The following LRRC8D variants were observed in gnomAD, a reference collection of about 807,000 sequenced individuals.
LRRC8D encodes the protein leucine rich repeat containing 8 VRAC subunit D.
A neutral mutation model predicts 55.8 loss-of-function variants in LRRC8D; 20 were observed. The ratio of observed to expected loss-of-function variants is 0.36; its 90% CI spans 0.25 to 0.52. LRRC8D has a LOEUF of 0.52. LRRC8D is among the 20% of genes least tolerant of loss of function. LRRC8D has a pLI of 0.93. For synonymous variants in LRRC8D, 352 were observed against 377.0 expected (o/e 0.93, Z 0.77); for missense variants, 651 against 1,030.8 (o/e 0.63, Z 5.05).
rs753341135 is a variant in LRRC8D at position 89,935,228 on chromosome 1, C to T, written c.2160C>T (p.Ser720=). The change falls in exon 3 of 3, where the codon TCC becomes TCT. Residue 720 remains serine (S), a synonymous_variant. Coordinates refer to ENST00000337338, the MANE Select transcript of LRRC8D (RefSeq NM_001134479.2). ...ATTTCTCTAACAACAAGCTCGAATC[C>T]TTACCAGTGGCAGTATTTAGTTTAC... The part of the protein sequence containing the change: ...SLYFSNNKLE[S]LPVAVFSLQK... 1 of 1,614,130 alleles carries T rather than the reference C, an allele frequency of 6.2e-7. No homozygotes were observed. The highest frequency in any genetic ancestry group is 1.1e-5 in the South Asian group (1 of 91,082).
chr1:89,896,945 C>T (rs1262434818), intron 2 of LRRC8D, among the ~76,000 whole-genome samples: 1 of 152,154 alleles, frequency 6.6e-6, no homozygotes, highest in Non-Finnish European at 1.5e-5. Flanking sequence ...ATTTAATTGT[C>T]ATAATAATCC....
intron 2 of LRRC8D, among the ~76,000 whole-genome samples, chr1:89,844,005 A>C (rs1046262400): frequency 1.8e-4 from 28 of 152,040 alleles, no homozygotes; most frequent in African/African-American, 6.5e-4. Flanking sequence ...GCCTGCGAGG[A>C]CTCCACTAGG....
chr1:89,876,831 A>G (rs931981124), intron 2 of LRRC8D, among the ~76,000 whole-genome samples: 2 of 152,224 alleles, frequency 1.3e-5, no homozygotes, highest in Non-Finnish European at 1.5e-5. Context: ...TCGGTCCTTT[A>G]TAGACAAAGT....
chr1:89,861,948 C>T (rs1161462843), intron 2 of LRRC8D, among the ~76,000 whole-genome samples: 1 of 152,130 alleles, frequency 6.6e-6, no homozygotes, highest in African/African-American at 2.4e-5. Context: ...GAACATGTAA[C>T]ATAACTTTGG....
At chr1:89,906,376 T>C (rs1342657180) in intron 2 of LRRC8D, among the ~76,000 whole-genome samples, 1 of 152,220 alleles carries the variant, frequency 6.6e-6, no homozygotes, top group Non-Finnish European at 1.5e-5. Flanking sequence ...CTATCATCAC[T>C]GAAGGGAATT....
chr1:89,920,256 T>C (rs1557484245), intron 2 of LRRC8D, among the ~76,000 whole-genome samples: 1 of 152,208 alleles, frequency 6.6e-6, no homozygotes. Context: ...AGCACTACAC[T>C]AGGAAGAAAT....
At chr1:89,908,795 C>G (rs1663058382) in intron 2 of LRRC8D, among the ~76,000 whole-genome samples, 1 of 152,174 alleles carries the variant, frequency 6.6e-6, no homozygotes, top group Non-Finnish European at 1.5e-5. Flanking sequence ...GCTAACCTCT[C>G]CATGGCTTCT....
intron 2 of LRRC8D, among the ~76,000 whole-genome samples, chr1:89,928,516 G>A (rs187689621): frequency 2.6e-5 from 4 of 152,306 alleles, no homozygotes; most frequent in East Asian, 1.9e-4. Flanking sequence ...CTTCTGGTGG[G>A]GGGTGGCAGA....
intron 1 of LRRC8D, among the ~76,000 whole-genome samples, chr1:89,841,234 G>A (rs1249084305): frequency 4.6e-5 from 7 of 152,156 alleles, no homozygotes; most frequent in Admixed American, 4.6e-4. Flanking sequence ...CTAGTGGACA[G>A]GAATGCATCT....
At position 89,916,360 on chromosome 1, in the gene LRRC8D, ATT is replaced by A. The variant is rs1037613854; in HGVS notation, c.-2-16705_-2-16704del. Among the ~76,000 whole-genome samples, 23 of 152,330 alleles carry A rather than the reference ATT, an allele frequency of 1.5e-4. 1 individual carries two copies. In the Middle Eastern group the frequency reaches 0.014, roughly 90 times the overall value. On this transcript the variant is annotated intron_variant, in intron 2 of 2. Transcript: ENST00000337338. ...TAAATAAATCAAATGTGAATAAAAC[ATT>A]TGTTTGTTTTATCAAATCCTTTGAA...
chr1:89,934,497 T>C lies in LRRC8D; in HGVS notation c.1429T>C (p.Phe477Leu). 3 of 1,614,190 alleles carry C rather than the reference T, an allele frequency of 1.9e-6. No homozygotes were observed. The highest frequency in any genetic ancestry group is 2.5e-6 in the Non-Finnish European group (3 of 1,180,026). Residue 477 changes from phenylalanine (F) to leucine (L), a missense_variant, in exon 3 of 3, where the codon TTC becomes CTC. By Grantham distance (22) the Phe-to-Leu change is conservative (BLOSUM62 0). Coordinates refer to ENST00000337338, the MANE Select transcript of LRRC8D (RefSeq NM_001134479.2). The surrounding 1 kb of genome is among the most constrained non-coding windows in gnomAD (Gnocchi z 5.9). Reference protein sequence around the residue: ...NAQDKQELHLFMLSGVPDAVF... With the variant: ...NAQDKQELHLLMLSGVPDAVF... ...CCAGGACAAGCAGGAGTTGCATCTG[T>C]TCATGCTGTCGGGGGTGCCCGATGC...
chr1:89,825,264 T>C (rs1222218796), intron 1 of LRRC8D, among the ~76,000 whole-genome samples: 1 of 152,258 alleles, frequency 6.6e-6, no homozygotes, highest in Non-Finnish European at 1.5e-5. Flanking sequence ...GTTCTAGGGC[T>C]AATTAGCCCT....
At chr1:89,859,178 G>A (rs543117764) in intron 2 of LRRC8D, among the ~76,000 whole-genome samples, 31 of 151,942 alleles carry the variant, frequency 2.0e-4, no homozygotes, top group South Asian at 1.2e-3. Context: ...TTTTAAATTC[G>A]CATTACAAGT....
chr1:89,836,364 C>A (rs2100724244), intron 1 of LRRC8D, among the ~76,000 whole-genome samples: 1 of 152,284 alleles, frequency 6.6e-6, no homozygotes, highest in East Asian at 1.9e-4. Context: ...CAAGTTTTAG[C>A]TTGCTTCTCT....
chr1:89,852,902 G>A (rs1031687976), intron 2 of LRRC8D, among the ~76,000 whole-genome samples: 1 of 152,192 alleles, frequency 6.6e-6, no homozygotes, highest in Non-Finnish European at 1.5e-5. Context: ...ACTGGCTTGG[G>A]TTCTTGGTCA....
intron 1 of LRRC8D, among the ~76,000 whole-genome samples, chr1:89,834,977 A>C (rs1660971430): frequency 6.6e-6 from 1 of 152,226 alleles, no homozygotes; most frequent in Non-Finnish European, 1.5e-5. Context: ...GTTGCCTTTG[A>C]ATAAAGGTTA....
chr1:89,878,315 A>C (rs925605637), intron 2 of LRRC8D, among the ~76,000 whole-genome samples: 4 of 152,214 alleles, frequency 2.6e-5, no homozygotes, highest in Non-Finnish European at 5.9e-5. Flanking sequence ...AGCAGGTATT[A>C]TGTGCTCAAC....
intron 2 of LRRC8D, among the ~76,000 whole-genome samples, chr1:89,923,061 C>G (rs150724711): frequency 6.6e-6 from 1 of 152,206 alleles, no homozygotes; most frequent in Non-Finnish European, 1.5e-5. Context: ...ATATTCAACC[C>G]TGTTGTTTTC....
rs534338617 is a variant in LRRC8D, at chr1:89,924,459, C to T, written c.-2-8608C>T. The stretch of plus-strand genomic sequence containing the variant: ...GCAGAGAAAAGAAAACACTTACGCA[C>T]TGCTGGTGGGGATGTAAATTAGTTC... On this transcript the variant is annotated intron_variant, in intron 2 of 2. Transcript: ENST00000337338. 6.1e-4 allele frequency among the ~76,000 whole-genome samples: 93 copies of T among 152,348 alleles called. 3 individuals are homozygous for T. Among genetic ancestry groups the T allele is most frequent in the Admixed American group, 1.2e-3 (19 of 15,300 alleles).
Sources: gnomAD v4.1 joint callset for allele counts (sites outside exome capture counted in the v4.1 genomes callset) on GRCh38, gnomAD v4.1.1 for gene constraint, Gnocchi (gnomAD v3.1) non-coding constraint, MANE v1.5 for transcripts, NCBI Gene and HGNC (gene_info 2026-07-23, HGNC 2026-07-21) for gene names.